Variants in IQCJ observed in about 807,000 individuals in gnomAD.
The protein encoded by IQCJ is IQ motif containing J.
IQCJ carries 9 observed loss-of-function variants against 11.0 expected under a neutral mutation model. That is an observed-to-expected ratio of 0.82 (90% CI 0.49 to 1.43). The LOEUF (loss-of-function observed/expected upper bound fraction) is 1.43, where lower values mean the gene tolerates loss of function less well. Ranked by LOEUF, IQCJ falls within the 40% of genes most tolerant of loss-of-function variation. IQCJ has a pLI of 0.00. For synonymous variants in IQCJ, 55 were observed against 51.3 expected, an observed-to-expected ratio of 1.07 and a Z score of -0.31; for missense variants, 146 against 133.2, an observed-to-expected ratio of 1.10 and a Z score of -0.47.
chr3:159,203,641 G>A (rs1422185807), intron 1 of IQCJ, among the ~76,000 whole-genome samples: 3 of 152,092 alleles, frequency 2.0e-5, no homozygotes, highest in Non-Finnish European at 4.4e-5. Context: ...GAGGAGGTGG[G>A]TGCTGTATCA....
At position 159,263,069 on chromosome 3, in the gene IQCJ, T is replaced by C; in HGVS notation, c.*338T>C. 3.0e-6 allele frequency: 3 copies of C among 1,000,148 alleles called. No individual in the cohort carries two copies. The highest frequency in any genetic ancestry group is 2.4e-6 in the Non-Finnish European group (2 of 838,752). The allele number at this position is 1,000,148 out of a possible 1,614,324, so 62.0% of individuals were successfully genotyped here. A position where few individuals can be genotyped will look rare whatever the true frequency, so the allele number is the denominator to read the frequency against. On this transcript the variant is annotated 3_prime_UTR_variant, in exon 4 of 4. Transcript: ENST00000397832. ...TTATAAGGAGTAGAAAGAGAACTTT[T>C]ACCAGAAGAATTGAAAGTGGTCACA...
intron 1 of IQCJ, among the ~76,000 whole-genome samples, chr3:159,197,681 A>G (rs1215261703): frequency 6.6e-6 from 1 of 152,132 alleles, no homozygotes; most frequent in Non-Finnish European, 1.5e-5. Context: ...AGTTGCTTAC[A>G]GGGCCAAGTA....
At chr3:159,212,697 T>G (rs1172904087) in intron 1 of IQCJ, among the ~76,000 whole-genome samples, 1 of 152,226 alleles carries the variant, frequency 6.6e-6, no homozygotes, top group Non-Finnish European at 1.5e-5. Flanking sequence ...TAATAGTATG[T>G]GCTCGATAAA....
chr3:159,263,948 T>C (rs916074837), downstream of IQCJ, among the ~76,000 whole-genome samples: 3 of 152,216 alleles, frequency 2.0e-5, no homozygotes, highest in African/African-American at 7.2e-5. Context: ...TGAACTACAC[T>C]GGAAAATGCC....
intron 1 of IQCJ, among the ~76,000 whole-genome samples, chr3:159,214,291 T>G (rs550877803): frequency 6.6e-6 from 1 of 152,282 alleles, no homozygotes; most frequent in South Asian, 2.1e-4. Context: ...CAACTCTCCC[T>G]TTTTTCCTGG....
At chr3:159,148,905 C>T (rs944389563) in intron 1 of IQCJ, among the ~76,000 whole-genome samples, 5 of 152,122 alleles carry the variant, frequency 3.3e-5, no homozygotes, top group African/African-American at 1.2e-4. Flanking sequence ...ATTTTGGCAA[C>T]AATACCATAA....
At chr3:159,198,238 C>CT (rs1218830027) in intron 1 of IQCJ, among the ~76,000 whole-genome samples, 2 of 152,018 alleles carry the variant, frequency 1.3e-5, no homozygotes, top group Non-Finnish European at 2.9e-5. Context: ...GTGTACTATG[C>CT]TTTTTTCTGT....
intron 1 of IQCJ, among the ~76,000 whole-genome samples, chr3:159,144,053 G>C (rs1720782069): frequency 6.6e-6 from 1 of 152,170 alleles, no homozygotes; most frequent in Admixed American, 6.5e-5. Context: ...TGAGGGTGCA[G>C]CCCTTATGCT....
intron 3 of IQCJ, among the ~76,000 whole-genome samples, chr3:159,253,619 ACACAC>A (rs1727728440): frequency 1.3e-5 from 2 of 151,088 alleles, no homozygotes; most frequent in Non-Finnish European, 3.0e-5. Context: ...AAACACACAC[ACACAC>A]ACACACACAC....
Position 159,172,027 on chromosome 3 carries a change from T to C in IQCJ, c.10-73816T>C, listed in dbSNP as rs540072917. Among the ~76,000 whole-genome samples the C allele has an allele frequency of 1.3e-3, 205 of 152,310 alleles. 2 individuals carry two copies. The highest frequency in any genetic ancestry group is 3.4e-3 in the Middle Eastern group (1 of 294). On this transcript the variant is annotated intron_variant, in intron 1 of 3. Coordinates refer to ENST00000397832, the MANE Select transcript of IQCJ (RefSeq NM_001042706.3). ...TGCAAATTGTCACATTTGGGGAAAA[T>C]ATTGTAGCAATATATATATTAAGAA...
At chr3:159,101,425 A>T (rs1300275975) in intron 1 of IQCJ, among the ~76,000 whole-genome samples, 2 of 152,126 alleles carry the variant, frequency 1.3e-5, no homozygotes, top group African/African-American at 2.4e-5. Flanking sequence ...ATCAAGCATA[A>T]GGGAGCCTGG....
intron 1 of IQCJ, among the ~76,000 whole-genome samples, chr3:159,118,378 T>C (rs1222315349): frequency 6.6e-6 from 1 of 152,148 alleles, no homozygotes; most frequent in African/African-American, 2.4e-5. Flanking sequence ...GACCTCTGTC[T>C]CCAGAGAACT....
At chr3:159,241,793 C>G (rs1726937224) in intron 1 of IQCJ, among the ~76,000 whole-genome samples, 1 of 152,140 alleles carries the variant, frequency 6.6e-6, no homozygotes, top group South Asian at 2.1e-4. Flanking sequence ...GTGGATGTGA[C>G]AAAAAACCTA....
intron 1 of IQCJ, among the ~76,000 whole-genome samples, chr3:159,226,938 A>G (rs1463439664): frequency 1.3e-5 from 2 of 152,210 alleles, no homozygotes; most frequent in Non-Finnish European, 2.9e-5. Context: ...ATGTATGTGT[A>G]CATTCTCTAA....
At position 159,262,799 on chromosome 3, in the gene IQCJ, C is replaced by T. The variant is rs576185290; in HGVS notation, c.*68C>T. ...GCAGGTGGTTTGTGACAGTGAAGAT[C>T]TATGTAGCTTATTTGCTACCCAGGA... is the stretch of plus-strand genomic sequence containing the variant. On this transcript the variant is annotated 3_prime_UTR_variant, in exon 4 of 4. Transcript: ENST00000397832. The T allele has an allele frequency of 6.5e-7, 1 of 1,542,134 alleles. No individual in the cohort carries two copies. The highest frequency in any genetic ancestry group is 8.8e-7 in the Non-Finnish European group (1 of 1,141,214).
chr3:159,127,123 A>G (rs1719721539), intron 1 of IQCJ, among the ~76,000 whole-genome samples: 1 of 152,250 alleles, frequency 6.6e-6, no homozygotes, highest in Admixed American at 6.5e-5. Context: ...AATTCCATGC[A>G]GTTGACAAAC....
chr3:159,141,093 C>G (rs549386566), intron 1 of IQCJ, among the ~76,000 whole-genome samples: 3 of 152,148 alleles, frequency 2.0e-5, no homozygotes, highest in Non-Finnish European at 4.4e-5. Flanking sequence ...AACAAGAGGC[C>G]AGGAACAACT....
intron 1 of IQCJ, among the ~76,000 whole-genome samples, chr3:159,235,906 C>A (rs1428852222): frequency 2.0e-5 from 3 of 152,142 alleles, no homozygotes; most frequent in African/African-American, 7.2e-5. Flanking sequence ...ATGTAGAAGG[C>A]AGCTAATGTT....
chr3:159,260,248 C>T (rs1287373303), intron 3 of IQCJ, among the ~76,000 whole-genome samples: 1 of 152,146 alleles, frequency 6.6e-6, no homozygotes, highest in African/African-American at 2.4e-5. Context: ...AGAGGTGTCA[C>T]ACCGCCCTCT....
Sources: allele counts gnomAD v4.1 joint callset (sites outside exome capture counted in the v4.1 genomes callset), GRCh38; gene constraint gnomAD v4.1.1; transcripts MANE v1.5; gene names NCBI Gene and HGNC (gene_info 2026-07-23, HGNC 2026-07-21).